CSMD1: variants seen among roughly 807,000 people sequenced by gnomAD.
CSMD1 encodes the protein CUB and Sushi multiple domains 1.
A neutral mutation model predicts 417.5 loss-of-function variants in CSMD1; 213 were observed. That is an observed-to-expected ratio of 0.51 (90% CI 0.46 to 0.57). The LOEUF is 0.57. CSMD1 is among the 20% of genes least tolerant of loss of function. CSMD1 has a pLI of 0.00. For missense variants in CSMD1, 6,923 were observed against 4,529.7 expected (o/e 1.53, Z -15.17); for synonymous variants, 2,862 against 1,736.8 (o/e 1.65, Z -16.11).
intron 3 of CSMD1, among the ~76,000 whole-genome samples, chr8:4,167,961 C>T (rs928234785): frequency 4.0e-5 from 6 of 151,892 alleles, no homozygotes; most frequent in African/African-American, 1.5e-4. Context: ...AACCCTATCT[C>T]TACTAAAAAT....
intron 52 of CSMD1, among the ~76,000 whole-genome samples, chr8:3,013,033 C>T (rs961489991): frequency 2.0e-5 from 3 of 152,184 alleles, no homozygotes; most frequent in African/African-American, 7.2e-5. Context: ...CCTTTACCTT[C>T]CACCATGATT....
At position 4,311,483 on chromosome 8, in the gene CSMD1, A is replaced by G. The variant is rs542281307; in HGVS notation, c.415+108470T>C. Among the ~76,000 whole-genome samples, 4 of 152,224 alleles carry G rather than the reference A, an allele frequency of 2.6e-5. No individual in the cohort carries two copies. In the South Asian group the frequency reaches 6.2e-4, roughly 24 times the overall value. The stretch of plus-strand genomic sequence containing the variant: ...CACAGCTGTAATCCCAGCATTTCAG[A>G]AGGCCAAGTTGGGCAGATCACCTGA... On this transcript the variant is annotated intron_variant, in intron 3 of 69. Transcript: ENST00000635120.
At chr8:4,789,287 A>G (rs1371085651) in intron 1 of CSMD1, among the ~76,000 whole-genome samples, 1 of 152,208 alleles carries the variant, frequency 6.6e-6, no homozygotes, top group Admixed American at 6.5e-5. Flanking sequence ...CCGGTTTCTA[A>G]TACCAAACAT....
At chr8:4,587,219 G>C (rs1038813657) in intron 2 of CSMD1, among the ~76,000 whole-genome samples, 4 of 152,118 alleles carry the variant, frequency 2.6e-5, no homozygotes, top group Admixed American at 2.6e-4. Context: ...TAAAAAATGA[G>C]TTTTCTCCAC....
intron 6 of CSMD1, among the ~76,000 whole-genome samples, chr8:3,714,559 CCCAAA>C (rs1199344505): frequency 7.7e-4 from 2 of 2,592 alleles, no homozygotes; most frequent in African/African-American, 1.4e-3. Context: ...CCATCTCTAT[CCCAAA>C]AAAAAAAAAA....
Position 3,142,416 on chromosome 8 carries a change from T to C in CSMD1, c.6241+49A>G, listed in dbSNP as rs755197678. ...TTTATACTTAAATACAATTTACATG[T>C]AAGAAGTGTATTTAGATTTGGGTTT... On this transcript the variant is annotated intron_variant, in intron 41 of 69. Coordinates refer to ENST00000635120, the MANE Select transcript of CSMD1 (RefSeq NM_033225.6). 3.5e-6 allele frequency: 5 copies of C among 1,410,582 alleles called. No homozygotes were observed. The South Asian group carries it at 4.8e-5, about 14-fold the overall frequency. The allele number at this position is 1,410,582 out of a possible 1,614,324, so 87.4% of individuals were successfully genotyped here. A position where few individuals can be genotyped will look rare whatever the true frequency, so the allele number is the denominator to read the frequency against.
At chr8:4,804,446 A>T (rs1460815420) in intron 1 of CSMD1, among the ~76,000 whole-genome samples, 1 of 151,342 alleles carries the variant, frequency 6.6e-6, no homozygotes, top group African/African-American at 2.4e-5. Flanking sequence ...TCATATACAG[A>T]CTTCGGTGTA....
chr8:3,892,522 G>C (rs1186108515), intron 5 of CSMD1, among the ~76,000 whole-genome samples: 1 of 121,256 alleles, frequency 8.2e-6, no homozygotes, highest in East Asian at 2.5e-4. Flanking sequence ...CTATGTTAGA[G>C]GAATTTTGCA....
At chr8:4,056,929 T>C (rs942934994) in intron 3 of CSMD1, among the ~76,000 whole-genome samples, 17 of 152,158 alleles carry the variant, frequency 1.1e-4, no homozygotes, top group Non-Finnish European at 1.9e-4. Context: ...TTAATCCAGT[T>C]TATCACTGTT....
intron 23 of CSMD1, among the ~76,000 whole-genome samples, chr8:3,323,829 A>T (rs370912921): frequency 1.2e-3 from 131 of 106,172 alleles, no homozygotes; most frequent in Middle Eastern, 7.2e-3. Context: ...TCACCCCACC[A>T]TTCATCATTG....
intron 2 of CSMD1, among the ~76,000 whole-genome samples, chr8:4,466,668 C>A (rs537514484): frequency 1.3e-5 from 2 of 152,042 alleles, no homozygotes; most frequent in East Asian, 3.9e-4. Flanking sequence ...AAATATAACT[C>A]TGAGTTGGGA....
chr8:3,979,179 C>G (rs1235862642), intron 5 of CSMD1, among the ~76,000 whole-genome samples: 5 of 152,194 alleles, frequency 3.3e-5, no homozygotes, highest in Non-Finnish European at 7.3e-5. Context: ...GAGATCTTAG[C>G]ACACTAACAG....
chr8:3,226,831 G>T (rs1055425642), intron 27 of CSMD1, among the ~76,000 whole-genome samples: 4 of 151,904 alleles, frequency 2.6e-5, no homozygotes, highest in African/African-American at 7.3e-5. Flanking sequence ...GGGAAAGAAA[G>T]AGAGAGAGCC....
At chr8:3,509,526 A>G (rs894408129) in intron 10 of CSMD1, among the ~76,000 whole-genome samples, 10 of 152,230 alleles carry the variant, frequency 6.6e-5, no homozygotes, top group African/African-American at 2.4e-4. Context: ...AAGGTAGGCT[A>G]TTCTACCAAG....
intron 10 of CSMD1, among the ~76,000 whole-genome samples, chr8:3,525,431 A>G (rs959640174): frequency 6.6e-6 from 1 of 152,208 alleles, no homozygotes; most frequent in Non-Finnish European, 1.5e-5. Flanking sequence ...TGAGTTCACA[A>G]AAATTTACAA....
intron 1 of CSMD1, among the ~76,000 whole-genome samples, chr8:4,749,186 G>T (rs1811149672): frequency 6.6e-6 from 1 of 152,182 alleles, no homozygotes; most frequent in Non-Finnish European, 1.5e-5. Flanking sequence ...GATTGATATG[G>T]ATTAGAATAT....
chr8:3,307,391 C>G (rs1340625184), intron 25 of CSMD1, among the ~76,000 whole-genome samples: 2 of 140,328 alleles, frequency 1.4e-5, no homozygotes, highest in African/African-American at 2.7e-5. Context: ...ATCAGAACAG[C>G]CCAGGCAACC....
At chr8:4,258,434 G>A (rs1221040209) in intron 3 of CSMD1, among the ~76,000 whole-genome samples, 1 of 27,348 alleles carries the variant, frequency 3.7e-5, no homozygotes, top group Admixed American at 3.3e-4. Flanking sequence ...AAGGAGGGAG[G>A]GAGGGGAGGA....
intron 1 of CSMD1, among the ~76,000 whole-genome samples, chr8:4,728,524 T>C (rs1383140770): frequency 6.6e-6 from 1 of 152,096 alleles, no homozygotes; most frequent in Non-Finnish European, 1.5e-5. Flanking sequence ...GTGAAATAAA[T>C]AATCTCCCAA....
Sources: gnomAD v4.1 joint callset for allele counts (sites outside exome capture counted in the v4.1 genomes callset) on GRCh38, gnomAD v4.1.1 for gene constraint, MANE v1.5 for transcripts, NCBI Gene and HGNC (gene_info 2026-07-23, HGNC 2026-07-21) for gene names.